The following RCOR1 variants were observed in gnomAD, a reference collection of about 807,000 sequenced individuals.
The protein encoded by RCOR1 is REST corepressor 1, also known as REST corepressor.
In RCOR1, 12 loss-of-function variants were observed where a neutral mutation model predicts 64.0. That is an observed-to-expected ratio of 0.19 (90% CI 0.12 to 0.30). The LOEUF (loss-of-function observed/expected upper bound fraction) is 0.30. Among genes scored for constraint, RCOR1 ranks in the 10% least tolerant of loss-of-function variants. The probability of loss-of-function intolerance (pLI) is 1.00; values close to 1 mark genes in which losing one functional copy is unlikely to be tolerated. For missense variants in RCOR1, 502 were observed against 621.2 expected (o/e 0.81, Z 2.04); for synonymous variants, 279 against 227.2 (o/e 1.23, Z -2.05).
intron 2 of RCOR1, among the ~76,000 whole-genome samples, chr14:102,599,035 AAG>A (rs1265559870): frequency 2.0e-5 from 3 of 152,194 alleles, no homozygotes; most frequent in East Asian, 1.9e-4. Context: ...ATAATAGGGT[AAG>A]AGGGGGGATG....
Position 102,729,890 on chromosome 14 carries a change from G to T in RCOR1, c.*3384G>T. 2.5e-6 allele frequency: 1 copy of T among 399,026 alleles called. No homozygotes were observed. The highest frequency in any genetic ancestry group is 4.4e-6 in the Non-Finnish European group (1 of 226,068). The allele number at this position is 399,026 out of a possible 1,614,324, so 24.7% of individuals were successfully genotyped here. A position where few individuals can be genotyped will look rare whatever the true frequency, so the allele number is the denominator to read the frequency against. The stretch of plus-strand genomic sequence containing the variant: ...CTCTTGTCTAGCCTGTTTCTAAACC[G>T]AATGATCCAGGATTCAAGCTTCTAT... On this transcript the variant is annotated 3_prime_UTR_variant, in exon 12 of 12. Coordinates refer to ENST00000262241, the MANE Select transcript of RCOR1 (RefSeq NM_015156.4).
At chr14:102,634,992 G>A (rs1595205325) in intron 2 of RCOR1, among the ~76,000 whole-genome samples, 1 of 151,632 alleles carries the variant, frequency 6.6e-6, no homozygotes, top group Admixed American at 6.6e-5. Context: ...ACAGGTGTGA[G>A]CCACCATGCC....
intron 8 of RCOR1, among the ~76,000 whole-genome samples, chr14:102,716,110 C>G (rs1595244123): frequency 6.6e-6 from 1 of 152,212 alleles, no homozygotes; most frequent in African/African-American, 2.4e-5. Flanking sequence ...AATGATGCCT[C>G]ATTGTACTTT....
rs1373353312 is a variant in RCOR1, at chr14:102,730,023, T to C, written c.*3517T>C. The C allele has an allele frequency of 1.1e-4, 45 of 398,944 alleles. 1 individual carries two copies. The highest frequency in any genetic ancestry group is 1.3e-4 in the Non-Finnish European group (29 of 226,070). The allele number at this position is 398,944 out of a possible 1,614,324, so 24.7% of individuals were successfully genotyped here. A position where few individuals can be genotyped will look rare whatever the true frequency, so the allele number is the denominator to read the frequency against. On this transcript the variant is annotated 3_prime_UTR_variant, in exon 12 of 12. Transcript: ENST00000262241. ...AGTCCCTGAATCTCTGCAGCTTCTCTTACCTGTCTTACCTGTAGTAAAGCA... is the reference window on the plus strand; with the variant it reads ...AGTCCCTGAATCTCTGCAGCTTCTCCTACCTGTCTTACCTGTAGTAAAGCA...
At chr14:102,693,782 A>G (rs1216028469) in intron 3 of RCOR1, among the ~76,000 whole-genome samples, 1 of 152,208 alleles carries the variant, frequency 6.6e-6, no homozygotes, top group African/African-American at 2.4e-5. Context: ...AATTTGATGC[A>G]GGTAGCTTGT....
At chr14:102,663,358 G>C (rs942050858) in intron 2 of RCOR1, among the ~76,000 whole-genome samples, 10 of 152,210 alleles carry the variant, frequency 6.6e-5, no homozygotes, top group Non-Finnish European at 1.3e-4. Flanking sequence ...CTAGTGGACA[G>C]GTTTTCTATG....
In RCOR1 at chr14:102,640,815, C is replaced by T. The variant is rs183733593; in HGVS notation, c.362-41080C>T. 7.2e-4 allele frequency among the ~76,000 whole-genome samples: 110 copies of T among 152,172 alleles called. 3 individuals are homozygous for T. In the East Asian group the frequency reaches 0.019, roughly 26 times the overall value. ...GTCTTACAGAAAATTAAAAAATTAG[C>T]TGGCTGTCGTAGTGTGCACCTCTGG... On this transcript the variant is annotated intron_variant, in intron 2 of 11. Coordinates refer to ENST00000262241, the MANE Select transcript of RCOR1 (RefSeq NM_015156.4).
chr14:102,663,718 A>C (rs978582185), intron 2 of RCOR1, among the ~76,000 whole-genome samples: 1 of 152,200 alleles, frequency 6.6e-6, no homozygotes, highest in Non-Finnish European at 1.5e-5. Flanking sequence ...GTTAAGAGAA[A>C]TAGGAGAAAC....
chr14:102,627,414 T>C (rs1357044147), intron 2 of RCOR1, among the ~76,000 whole-genome samples: 1 of 152,204 alleles, frequency 6.6e-6, no homozygotes, highest in Non-Finnish European at 1.5e-5. Flanking sequence ...CCCAACACTT[T>C]GGGAGGCCAA....
chr14:102,659,878 A>C (rs1894796570), intron 2 of RCOR1, among the ~76,000 whole-genome samples: 1 of 152,228 alleles, frequency 6.6e-6, no homozygotes, highest in Non-Finnish European at 1.5e-5. Flanking sequence ...AGACAGCCAT[A>C]GTCAAGAAGC....
chr14:102,653,967 C>G (rs12232229), intron 2 of RCOR1, among the ~76,000 whole-genome samples: 1 of 40,952 alleles, frequency 2.4e-5, no homozygotes, highest in Non-Finnish European at 4.6e-5. Context: ...TTCTTTCTTT[C>G]TTTCTTTCTT....
At chr14:102,606,470 A>G (rs569555464) in intron 2 of RCOR1, among the ~76,000 whole-genome samples, 1 of 152,258 alleles carries the variant, frequency 6.6e-6, no homozygotes, top group African/African-American at 2.4e-5. Flanking sequence ...TAGCGTGGAT[A>G]TAGGGAGTTC....
chr14:102,625,454 C>T (rs890651086), intron 2 of RCOR1, among the ~76,000 whole-genome samples: 14 of 149,770 alleles, frequency 9.3e-5, no homozygotes, highest in African/African-American at 3.0e-4. Context: ...AGGCTTGTCT[C>T]GAACTCCTGA....
At chr14:102,693,035 A>G (rs1895570210) in intron 3 of RCOR1, among the ~76,000 whole-genome samples, 1 of 152,072 alleles carries the variant, frequency 6.6e-6, no homozygotes, top group Non-Finnish European at 1.5e-5. Context: ...CAAAGTGTTG[A>G]GATTACAGGC....
At chr14:102,628,770 T>TCTCG (rs1894036261) in intron 2 of RCOR1, among the ~76,000 whole-genome samples, 1 of 152,218 alleles carries the variant, frequency 6.6e-6, no homozygotes, top group Admixed American at 6.5e-5. Context: ...GCCAGGCTAG[T>TCTCG]CTCGAACTCC....
At chr14:102,714,763 C>T in intron 8 of RCOR1, 146 bp downstream of exon 8, 1 of 592,018 alleles carries the variant, frequency 1.7e-6, no homozygotes, top group South Asian at 3.0e-5. Flanking sequence ...TAAGTACCAG[C>T]CCATTGTTTT....
At chr14:102,661,928 T>A (rs1405573684) in intron 2 of RCOR1, among the ~76,000 whole-genome samples, 1 of 152,140 alleles carries the variant, frequency 6.6e-6, no homozygotes, top group Non-Finnish European at 1.5e-5. Flanking sequence ...TGCTAATTTT[T>A]TTTTTTATTT....
intron 2 of RCOR1, among the ~76,000 whole-genome samples, chr14:102,648,162 C>T (rs1894513870): frequency 6.6e-6 from 1 of 151,292 alleles, no homozygotes; most frequent in South Asian, 2.1e-4. Context: ...CACTGCAACC[C>T]CCGCCTCCCG....
intron 2 of RCOR1, among the ~76,000 whole-genome samples, chr14:102,681,612 C>G (rs1478009887): frequency 6.6e-6 from 1 of 152,186 alleles, no homozygotes; most frequent in Non-Finnish European, 1.5e-5. Context: ...TTAAAAGAAC[C>G]TTTGAGCACC....
Sources: gnomAD v4.1 joint callset for allele counts (sites outside exome capture counted in the v4.1 genomes callset) on GRCh38, gnomAD v4.1.1 for gene constraint, MANE v1.5 for transcripts, NCBI Gene and HGNC (gene_info 2026-07-23, HGNC 2026-07-21) for gene names.